TRIM35: variants seen among roughly 807,000 people sequenced by gnomAD.
The protein encoded by TRIM35 is E3 ubiquitin-protein ligase TRIM35.
In TRIM35, 37 loss-of-function variants were observed where a neutral mutation model predicts 49.1. The ratio of observed to expected loss-of-function variants is 0.75; its 90% CI spans 0.58 to 0.99. TRIM35 has a LOEUF of 0.99. Ranked by LOEUF, TRIM35 falls within the 50% of genes least tolerant of loss-of-function variation. TRIM35 has a pLI of 0.00. For missense variants in TRIM35, 648 were observed against 702.7 expected, an observed-to-expected ratio of 0.92 and a Z score of 0.88; for synonymous variants, 302 against 289.3, an observed-to-expected ratio of 1.04 and a Z score of -0.45.
rs773256251 is a variant in TRIM35, at chr8:27,311,261, C to T, written c.-26G>A. 5.9e-5 allele frequency: 87 copies of T among 1,476,176 alleles called. No homozygotes were observed. In the East Asian group the frequency reaches 1.8e-3, roughly 31 times the overall value. The allele number at this position is 1,476,176 out of a possible 1,614,324, so 91.4% of individuals were successfully genotyped here. On this transcript the variant is annotated 5_prime_UTR_variant, in exon 1 of 6. Transcript: ENST00000305364. ...GGCACGAGCAGCCGGCTCGGGCGCCCGGAACTTTTGCTCCGGCCCCTCCCA... is the reference window on the plus strand; with the variant it reads ...GGCACGAGCAGCCGGCTCGGGCGCCTGGAACTTTTGCTCCGGCCCCTCCCA...
chr8:27,310,874 C>T lies in TRIM35; in HGVS notation c.362G>A (p.Cys121Tyr), dbSNP rs1427668034. ...GTGTCGGGGGTCGGCCTGGCAGGAG[C>T]AGCACAGCAGCTCCTTGTCCTCGAG... ...FCLEDKELLCCSCQADPRHQG... is the reference protein window; with the variant it reads ...FCLEDKELLCYSCQADPRHQG... The change falls in exon 1 of 6, where the codon TGC becomes TAC. Residue 121 changes from cysteine (C) to tyrosine (Y), a missense_variant. Transcript: ENST00000305364. 2 of 1,612,672 alleles carry T rather than the reference C, an allele frequency of 1.2e-6. No individual in the cohort carries two copies. Among genetic ancestry groups the T allele is most frequent in the East Asian group, 4.5e-5 (2 of 44,858 alleles).
At chr8:27,298,599 G>C in intron 1 of TRIM35, 40 bp from the exon 2 acceptor site, 2 of 1,553,938 alleles carry the variant, frequency 1.3e-6, no homozygotes, top group Non-Finnish European at 1.8e-6. Flanking sequence ...GACAGGTTAG[G>C]GCTGGAGGCT....
intron 1 of TRIM35, among the ~76,000 whole-genome samples, chr8:27,304,551 C>CT (rs1479461337): frequency 1.3e-5 from 2 of 152,228 alleles, no homozygotes; most frequent in Admixed American, 1.3e-4. Context: ...AATAGCTTCT[C>CT]TTTCCTGAGG....
intron 1 of TRIM35, among the ~76,000 whole-genome samples, chr8:27,309,243 G>C (rs1051163967): frequency 3.3e-5 from 5 of 152,172 alleles, no homozygotes; most frequent in African/African-American, 1.2e-4. Flanking sequence ...GTCATGACCT[G>C]AACCATGATC....
chr8:27,297,446 G>A (rs1279748162), intron 2 of TRIM35, among the ~76,000 whole-genome samples: 1 of 152,202 alleles, frequency 6.6e-6, no homozygotes, highest in Non-Finnish European at 1.5e-5. Context: ...GACAGAGGGA[G>A]CCCACTCATT....
rs1024249554 is a variant in TRIM35 at position 27,287,190 on chromosome 8, C to T, written c.*360G>A. 1.5e-5 allele frequency: 3 copies of T among 203,430 alleles called. No individual in the cohort carries two copies. The Admixed American group carries it at 1.6e-4, about 11-fold the overall frequency. The allele number at this position is 203,430 out of a possible 1,614,324, so 12.6% of individuals were successfully genotyped here. On this transcript the variant is annotated 3_prime_UTR_variant, in exon 6 of 6. Transcript: ENST00000305364. This position sits in a 1 kb window ranked among gnomAD's most constrained non-coding sequence, Gnocchi z 6.0. ...CTCTCCTTTCCATGGCAGTCCCCTC[C>T]TCATCCAATGGCTTTACCACACCTC... is the stretch of plus-strand genomic sequence containing the variant.
chr8:27,301,382 G>T (rs1431380104), intron 1 of TRIM35, among the ~76,000 whole-genome samples: 2 of 152,168 alleles, frequency 1.3e-5, no homozygotes, highest in Admixed American at 1.3e-4. Flanking sequence ...GGATAAAACT[G>T]CTGGGCCACC....
intron 2 of TRIM35, 25 bp from the exon 3 acceptor site, chr8:27,294,335 A>T: frequency 6.2e-7 from 1 of 1,605,834 alleles, no homozygotes; most frequent in Middle Eastern, 1.7e-4. Flanking sequence ...AGGAGGAGTC[A>T]GGGGTCAGAT....
At chr8:27,308,092 A>T (rs1802824381) in intron 1 of TRIM35, among the ~76,000 whole-genome samples, 1 of 152,174 alleles carries the variant, frequency 6.6e-6, no homozygotes, top group Non-Finnish European at 1.5e-5. Context: ...GGGCCTCTGC[A>T]AGCTGGAGAA....
In TRIM35 at chr8:27,285,889, G is replaced by C; in HGVS notation, c.*1661C>G. 3.2e-6 allele frequency: 1 copy of C among 309,244 alleles called. No individual in the cohort carries two copies. Among genetic ancestry groups the C allele is most frequent in the Non-Finnish European group, 6.4e-6 (1 of 156,064 alleles). 19.2% of individuals were successfully genotyped at this position (309,244 alleles called of 1,614,324 possible). A position where few individuals can be genotyped will look rare whatever the true frequency, so the allele number is the denominator to read the frequency against. ...GTGAGGCTGAGCATCTTCCAACCAG[G>C]TGCATGCACTGGTTTGCCAACATCC... is the stretch of plus-strand genomic sequence containing the variant. On this transcript the variant is annotated 3_prime_UTR_variant, in exon 6 of 6. Coordinates refer to ENST00000305364, the MANE Select transcript of TRIM35 (RefSeq NM_171982.5).
At chr8:27,294,023 C>T in intron 3 of TRIM35, 57 bp downstream of exon 3, 1 of 1,564,466 alleles carries the variant, frequency 6.4e-7, no homozygotes, top group Non-Finnish European at 8.7e-7. Context: ...GCTATGGCTC[C>T]CAGCTGGTCC....
intron 2 of TRIM35, among the ~76,000 whole-genome samples, chr8:27,298,253 G>A (rs1259767549): frequency 6.6e-6 from 1 of 152,340 alleles, no homozygotes; most frequent in South Asian, 2.1e-4. Flanking sequence ...TGTGGCTGCT[G>A]GCATGACCAC....
At chr8:27,297,957 C>T (rs1563441475) in intron 2 of TRIM35, among the ~76,000 whole-genome samples, 2 of 151,960 alleles carry the variant, frequency 1.3e-5, no homozygotes, top group Admixed American at 6.6e-5. Context: ...TTTTTCTAAA[C>T]GATCACCCCA....
chr8:27,291,176 T>C (rs1014199979), intron 3 of TRIM35, among the ~76,000 whole-genome samples: 1 of 150,252 alleles, frequency 6.7e-6, no homozygotes, highest in Non-Finnish European at 1.5e-5. Context: ...AAAAAACTTG[T>C]ATCTAGACTA....
chr8:27,292,744 T>C (rs1802480091), intron 3 of TRIM35, among the ~76,000 whole-genome samples: 1 of 152,204 alleles, frequency 6.6e-6, no homozygotes, highest in Admixed American at 6.5e-5. Flanking sequence ...TTTGGAGGCA[T>C]GAAATGTTCT....
chr8:27,301,250 A>G (rs1802676842), intron 1 of TRIM35, among the ~76,000 whole-genome samples: 1 of 152,226 alleles, frequency 6.6e-6, no homozygotes, highest in South Asian at 2.1e-4. Flanking sequence ...AATTCTCCCT[A>G]TAAGGTTAAG....
intron 1 of TRIM35, among the ~76,000 whole-genome samples, chr8:27,309,754 G>A (rs1802866904): frequency 6.6e-6 from 1 of 151,762 alleles, no homozygotes; most frequent in Non-Finnish European, 1.5e-5. Flanking sequence ...AGGCAGAGGA[G>A]GGCAGATCAC....
chr8:27,300,669 T>A (rs753033854), intron 1 of TRIM35, among the ~76,000 whole-genome samples: 7 of 152,372 alleles, frequency 4.6e-5, no homozygotes, highest in South Asian at 2.1e-4. Context: ...GCAGTTCTGT[T>A]TTATTTTCAA....
Position 27,298,483 on chromosome 8 carries a change from G to A in TRIM35, c.512C>T (p.Ala171Val). ...AFWAMRRSYE[A>V]IAKHNQVEAA... ...GCTCACCTGATTGTGCTTGGCGATG[G>A]CCTCATAGGAGCGCCGCATGGCCCA... Residue 171 changes from alanine (A) to valine (V), a missense_variant, in exon 2 of 6, where the codon GCC (alanine) becomes GTC (valine). Transcript: ENST00000305364. The A allele has an allele frequency of 6.2e-7, 1 of 1,614,216 alleles. No homozygotes were observed. Among genetic ancestry groups the A allele is most frequent in the Non-Finnish European group, 8.5e-7 (1 of 1,180,030 alleles).
Sources: allele counts gnomAD v4.1 joint callset (sites outside exome capture counted in the v4.1 genomes callset), GRCh38; gene constraint gnomAD v4.1.1; non-coding constraint Gnocchi (gnomAD v3.1); transcripts MANE v1.5; gene names NCBI Gene and HGNC (gene_info 2026-07-23, HGNC 2026-07-21).